GRM3: variants seen among roughly 807,000 people sequenced by gnomAD.
GRM3 encodes glutamate metabotropic receptor 3, also known as metabotropic glutamate receptor 3.
A neutral mutation model predicts 70.5 loss-of-function variants in GRM3; 26 were observed. The observed-to-expected ratio is 0.37, with a 90% CI of 0.27 to 0.51. The LOEUF is 0.51. Ranked by LOEUF, GRM3 falls within the 20% of genes least tolerant of loss-of-function variation. GRM3 has a pLI of 0.93. For synonymous variants in GRM3, 443 were observed against 434.9 expected (o/e 1.02, Z -0.23); for missense variants, 859 against 1,123.8 (o/e 0.76, Z 3.37).
intron 1 of GRM3, among the ~76,000 whole-genome samples, chr7:86,715,861 G>C (rs1301286291): frequency 6.6e-6 from 1 of 151,956 alleles, no homozygotes; most frequent in Admixed American, 6.6e-5. Context: ...AACATAAAAG[G>C]CCTGGAAAGT....
intron 1 of GRM3, among the ~76,000 whole-genome samples, chr7:86,681,765 A>C (rs1205942176): frequency 1.3e-5 from 2 of 152,204 alleles, no homozygotes; most frequent in African/African-American, 4.8e-5. Context: ...TCATGATTTC[A>C]ACAAGCACAG....
At chr7:86,827,895 A>G (rs930495431) in intron 3 of GRM3, among the ~76,000 whole-genome samples, 2 of 152,098 alleles carry the variant, frequency 1.3e-5, no homozygotes, top group Admixed American at 6.5e-5. Context: ...GGCGGAACAC[A>G]AGGTCAGGAG....
chr7:86,746,991 T>C (rs1450143464), intron 1 of GRM3, among the ~76,000 whole-genome samples: 1 of 152,126 alleles, frequency 6.6e-6, no homozygotes, highest in Non-Finnish European at 1.5e-5. Context: ...AACTTAGCTC[T>C]AGTCCTGGCT....
chr7:86,765,813 C>T (rs537285037), intron 2 of GRM3, among the ~76,000 whole-genome samples, 200 bp downstream of exon 2: 2 of 152,068 alleles, frequency 1.3e-5, no homozygotes, highest in African/African-American at 2.4e-5. Context: ...AGAAGCATAT[C>T]AGGTAGCTAT....
chr7:86,826,226 G>A (rs1183910554), intron 3 of GRM3, among the ~76,000 whole-genome samples: 4 of 152,128 alleles, frequency 2.6e-5, no homozygotes, highest in Admixed American at 6.5e-5. Context: ...TGGGCGCTCC[G>A]GTTTGTGCTG....
At chr7:86,726,212 A>G (rs900177200) in intron 1 of GRM3, among the ~76,000 whole-genome samples, 1 of 152,182 alleles carries the variant, frequency 6.6e-6, no homozygotes, top group East Asian at 1.9e-4. Context: ...TTAGTTTACA[A>G]TCATGACTAA....
Position 86,644,856 on chromosome 7 carries a change from G to C in GRM3, c.-157G>C. Reference sequence around the variant, plus strand: ...CCGCGGTCAGCTCCAGTTCCTGCCAGGAGTTGTCGGTGCGAGGTAAGGGTC... The same window carrying C: ...CCGCGGTCAGCTCCAGTTCCTGCCACGAGTTGTCGGTGCGAGGTAAGGGTC... On this transcript the variant is annotated 5_prime_UTR_variant, in exon 1 of 6. Transcript: ENST00000361669. 7.8e-7 allele frequency: 1 copy of C among 1,289,268 alleles called. No homozygotes were observed. The highest frequency in any genetic ancestry group is 1.0e-6 in the Non-Finnish European group (1 of 988,450). 79.9% of individuals were successfully genotyped at this position (1,289,268 alleles called of 1,614,324 possible). A position where few individuals can be genotyped will look rare whatever the true frequency, so the allele number is the denominator to read the frequency against.
chr7:86,838,463 G>C (rs572850093), intron 3 of GRM3, among the ~76,000 whole-genome samples: 2 of 152,078 alleles, frequency 1.3e-5, no homozygotes. Flanking sequence ...AAATAAATAC[G>C]TAATAAGAAT....
intron 5 of GRM3, among the ~76,000 whole-genome samples, chr7:86,857,092 A>G (rs1798864510): frequency 6.6e-6 from 1 of 151,020 alleles, no homozygotes; most frequent in Non-Finnish European, 1.5e-5. Context: ...CTCATAGACT[A>G]TTCTGACAAT....
chr7:86,848,268 C>T (rs1228885742), intron 4 of GRM3, among the ~76,000 whole-genome samples: 1 of 152,182 alleles, frequency 6.6e-6, no homozygotes, highest in African/African-American at 2.4e-5. Flanking sequence ...GAGGTCTGGC[C>T]TGTCTTAGGC....
intron 1 of GRM3, among the ~76,000 whole-genome samples, chr7:86,680,074 T>G (rs1794407087): frequency 6.6e-6 from 1 of 152,130 alleles, no homozygotes; most frequent in African/African-American, 2.4e-5. Flanking sequence ...GGTCTGACTG[T>G]CCTTTGCAGT....
At chr7:86,799,413 C>A (rs954719812) in intron 3 of GRM3, among the ~76,000 whole-genome samples, 1 of 152,162 alleles carries the variant, frequency 6.6e-6, no homozygotes, top group Admixed American at 6.5e-5. Flanking sequence ...GAGAGGGCAT[C>A]CTTGTCTTGT....
At chr7:86,645,833 A>G (rs1176365071) in intron 1 of GRM3, among the ~76,000 whole-genome samples, 1 of 152,190 alleles carries the variant, frequency 6.6e-6, no homozygotes, top group Non-Finnish European at 1.5e-5. Flanking sequence ...TTTGGGGTCT[A>G]TATGTAGGTA....
rs1797481158 is a variant in GRM3 at position 86,793,743 on chromosome 7, C to A, written c.1324+6627C>A. Among the ~76,000 whole-genome samples, 4 of 152,120 alleles carry A rather than the reference C, an allele frequency of 2.6e-5. No individual in the cohort carries two copies. The South Asian group carries it at 8.3e-4, about 32-fold the overall frequency. ...GTGGAGAACAGGAGCCTCTAGGAAA[C>A]CTAATTTTCCACTTAGGCTTGTGCT... On this transcript the variant is annotated intron_variant, in intron 3 of 5. Coordinates refer to ENST00000361669, the MANE Select transcript of GRM3 (RefSeq NM_000840.3).
chr7:86,811,447 C>T (rs1797906838), intron 3 of GRM3, among the ~76,000 whole-genome samples: 2 of 151,694 alleles, frequency 1.3e-5, no homozygotes, highest in African/African-American at 4.8e-5. Flanking sequence ...GCAATGTTTC[C>T]ACTCACCAGG....
At chr7:86,860,919 T>C (rs145538079) in intron 5 of GRM3, among the ~76,000 whole-genome samples, 1 of 152,188 alleles carries the variant, frequency 6.6e-6, no homozygotes, top group African/African-American at 2.4e-5. Context: ...AGGTTTCAGA[T>C]ACAAACTTAA....
chr7:86,864,207 A>G (rs1799017696), intron 5 of GRM3, 75 bp from the exon 6 acceptor site: 2 of 794,476 alleles, frequency 2.5e-6, no homozygotes, highest in Non-Finnish European at 4.6e-6. Flanking sequence ...CCCAAAGTCC[A>G]TTGTATCCTT....
chr7:86,662,574 T>C (rs553040081), intron 1 of GRM3, among the ~76,000 whole-genome samples: 1 of 152,094 alleles, frequency 6.6e-6, no homozygotes, highest in African/African-American at 2.4e-5. Flanking sequence ...ATTATTTTAA[T>C]ATTTGGTTTT....
rs1388468190 is a variant in GRM3, at chr7:86,644,568, C to G, written c.-445C>G. The G allele has an allele frequency of 1.5e-5, 6 of 403,340 alleles. No homozygotes were observed. Among genetic ancestry groups the G allele is most frequent in the South Asian group, 1.1e-4 (6 of 54,352 alleles). 25.0% of individuals were successfully genotyped at this position (403,340 alleles called of 1,614,324 possible). On this transcript the variant is annotated 5_prime_UTR_variant, in exon 1 of 6. Transcript: ENST00000361669. ...AACCTCCTCCCTCTCTTCTACTCCA[C>G]CCCTCCGTTTTCCCACTCCCCACTG...
Sources: gnomAD v4.1 joint callset for allele counts (sites outside exome capture counted in the v4.1 genomes callset) on GRCh38, gnomAD v4.1.1 for gene constraint, MANE v1.5 for transcripts, NCBI Gene and HGNC (gene_info 2026-07-23, HGNC 2026-07-21) for gene names.